The following ITGAD variants were observed in gnomAD, a reference collection of about 807,000 sequenced individuals.
ITGAD encodes the protein integrin alpha-D.
In ITGAD, 105 loss-of-function variants were observed where a neutral mutation model predicts 139.0. The observed-to-expected ratio is 0.76, with a 90% CI of 0.65 to 0.89. The LOEUF (loss-of-function observed/expected upper bound fraction) is 0.89, where lower values mean the gene tolerates loss of function less well. Ranked by LOEUF, ITGAD falls within the 40% of genes least tolerant of loss-of-function variation. ITGAD has a pLI of 0.00. For synonymous variants in ITGAD, 569 were observed against 598.3 expected (o/e 0.95, Z 0.71); for missense variants, 1,384 against 1,487.3 (o/e 0.93, Z 1.14).
intron 5 of ITGAD, among the ~76,000 whole-genome samples, chr16:31,400,520 C>T (rs1040147317): frequency 1.3e-5 from 2 of 152,150 alleles, no homozygotes; most frequent in African/African-American, 4.8e-5. Flanking sequence ...AGCCTGGGGA[C>T]AGCATGAAAA....
At position 31,426,394 on chromosome 16, in the gene ITGAD, TTTA is replaced by T; in HGVS notation, c.*268_*270del. Reference sequence around the variant, plus strand: ...AGAATTGTCACATGAAATGAGGATGTTTATAGCACACTTTCCTTGCGTGGAAGA... The same window carrying T: ...AGAATTGTCACATGAAATGAGGATGTTAGCACACTTTCCTTGCGTGGAAGA... On this transcript the variant is annotated 3_prime_UTR_variant, in exon 30 of 30. Transcript: ENST00000389202. 1 of 373,182 alleles carries T rather than the reference TTTA, an allele frequency of 2.7e-6. No homozygotes were observed. The highest frequency in any genetic ancestry group is 5.0e-6 in the Non-Finnish European group (1 of 201,446). 23.1% of individuals were successfully genotyped at this position (373,182 alleles called of 1,614,324 possible). A position where few individuals can be genotyped will look rare whatever the true frequency, so the allele number is the denominator to read the frequency against.
chr16:31,400,334 G>T (rs927762781), intron 5 of ITGAD, among the ~76,000 whole-genome samples: 2 of 151,906 alleles, frequency 1.3e-5, no homozygotes, highest in Admixed American at 6.5e-5. Flanking sequence ...AAGAGGAAAA[G>T]GCATTTTTTT....
In ITGAD at chr16:31,426,334, C is replaced by G. The variant is rs545210270; in HGVS notation, c.*206C>G. The G allele has an allele frequency of 5.0e-5, 26 of 520,408 alleles. No homozygotes were observed. The highest frequency in any genetic ancestry group is 5.0e-4 in the African/African-American group (26 of 52,090). The allele number at this position is 520,408 out of a possible 1,614,324, so 32.2% of individuals were successfully genotyped here. ...AGCAATGACCCACTTTTTACAGAAG[C>G]AGGCATGGTGCCAGCATAAATTTTC... On this transcript the variant is annotated 3_prime_UTR_variant, in exon 30 of 30. Transcript: ENST00000389202.
At chr16:31,397,958 G>A (rs1857499576) in intron 5 of ITGAD, 49 bp downstream of exon 5, 1 of 1,441,582 alleles carries the variant, frequency 6.9e-7, no homozygotes, top group African/African-American at 1.4e-5. Context: ...TGCTGGCACT[G>A]AGGGTGAGCA....
At chr16:31,412,714 A>G in intron 14 of ITGAD, 124 bp from the exon 15 acceptor site, 1 of 1,189,958 alleles carries the variant, frequency 8.4e-7, no homozygotes, top group Non-Finnish European at 1.2e-6. Flanking sequence ...TGTTGGTGAC[A>G]TCTGTTCACA....
rs750977157 is a variant in ITGAD, at chr16:31,423,357, T to A, written c.2865T>A (p.Asn955Lys). 1 of 1,613,952 alleles carries A rather than the reference T, an allele frequency of 6.2e-7. No homozygotes were observed. The highest frequency in any genetic ancestry group is 2.2e-5 in the East Asian group (1 of 44,872). The change falls in exon 25 of 30, where the codon AAT becomes AAA. Residue 955 changes from asparagine to lysine, a missense_variant. Physicochemically the swap from Asn to Lys is moderately conservative, Grantham distance 94 (BLOSUM62 0). Coordinates refer to ENST00000389202, the MANE Select transcript of ITGAD (RefSeq NM_005353.3). ...MKEAEHRYRVNNLSQRDLAIS... is the reference protein window; with the variant it reads ...MKEAEHRYRVKNLSQRDLAIS... ...TCTGCCTTGATTTCCTGCAGGTGAA[T>A]AACCTCAGCCAGCGAGATCTGGCCA...
chr16:31,407,732 G>C (rs750426048), intron 8 of ITGAD, 34 bp from the exon 9 acceptor site: 15 of 1,613,408 alleles, frequency 9.3e-6, no homozygotes, highest in Middle Eastern at 1.6e-4. Flanking sequence ...CAGTGCTGCT[G>C]GGCTCATCCT....
At chr16:31,393,522 T>G in intron 1 of ITGAD, 131 bp downstream of exon 1, 1 of 941,992 alleles carries the variant, frequency 1.1e-6, no homozygotes, top group Non-Finnish European at 1.7e-6. Flanking sequence ...GAGTGCTTCA[T>G]GTGCGAGTGG....
chr16:31,410,654 G>A, intron 11 of ITGAD, 82 bp from the exon 12 acceptor site: 2 of 1,543,708 alleles, frequency 1.3e-6, no homozygotes, highest in South Asian at 1.2e-5. Context: ...AGGGGAGATG[G>A]GGGCTGCGCT....
At position 31,412,872 on chromosome 16, in the gene ITGAD, A is replaced by C; in HGVS notation, c.1742A>C (p.Gln581Pro). Residue 581 changes from glutamine (Q) to proline (P), a missense_variant, in exon 15 of 30, where the codon CAG becomes CCG. By Grantham distance (76) the Gln-to-Pro change is moderately conservative (BLOSUM62 -1). Coordinates refer to ENST00000389202, the MANE Select transcript of ITGAD (RefSeq NM_005353.3). The part of the protein sequence containing the change: ...IASSQLSPRL[Q>P]YFGQALSGGQ... ...AGCTCCCAGCTCTCCCCCAGGCTGCAGTATTTTGGGCAGGCGCTGAGTGGG... is the reference window on the plus strand; with the variant it reads ...AGCTCCCAGCTCTCCCCCAGGCTGCCGTATTTTGGGCAGGCGCTGAGTGGG... 1 of 1,613,996 alleles carries C rather than the reference A, an allele frequency of 6.2e-7. No homozygotes were observed. The highest frequency in any genetic ancestry group is 8.5e-7 in the Non-Finnish European group (1 of 1,179,984).
chr16:31,410,270 G>T, intron 10 of ITGAD, 125 bp from the exon 11 acceptor site: 1 of 1,331,780 alleles, frequency 7.5e-7, no homozygotes, highest in East Asian at 2.4e-5. Context: ...GAGGCTGCTG[G>T]TGCGGGCCGG....
chr16:31,416,162 G>T, intron 18 of ITGAD, 51 bp from the exon 19 acceptor site: 2 of 1,448,308 alleles, frequency 1.4e-6, no homozygotes, highest in Non-Finnish European at 9.5e-7. Context: ...GGAGGGGCTT[G>T]GAGAAAGACT....
chr16:31,403,408 G>C lies in ITGAD; in HGVS notation c.559-92G>C. The C allele has an allele frequency of 6.8e-7, 1 of 1,465,936 alleles. No homozygotes were observed. Among genetic ancestry groups the C allele is most frequent in the Non-Finnish European group, 9.4e-7 (1 of 1,065,080 alleles). The allele number at this position is 1,465,936 out of a possible 1,614,324, so 90.8% of individuals were successfully genotyped here. The stretch of plus-strand genomic sequence containing the variant: ...GAGGCAGGAGGATCACTTGAGGCCA[G>C]GAGTTTGAGAGACCCTGTCTCTACA... On this transcript the variant is annotated intron_variant, in intron 6 of 29. Coordinates refer to ENST00000389202, the MANE Select transcript of ITGAD (RefSeq NM_005353.3). The surrounding 1 kb of genome is among the most constrained non-coding windows in gnomAD (Gnocchi z 4.4).
intron 7 of ITGAD, among the ~76,000 whole-genome samples, chr16:31,405,640 C>CTTTTT (rs569550173): frequency 1.9e-5 from 2 of 104,016 alleles, no homozygotes; most frequent in African/African-American, 3.8e-5. Flanking sequence ...TTTTGTTTTC[C>CTTTTT]TTTTTTTTTT....
chr16:31,409,260 A>G (rs996459640), intron 10 of ITGAD, among the ~76,000 whole-genome samples: 1 of 152,086 alleles, frequency 6.6e-6, no homozygotes, highest in African/African-American at 2.4e-5. Context: ...GTGCCACTGC[A>G]CTTCAGCCTA....
chr16:31,421,803 C>T (rs181156602), intron 23 of ITGAD, among the ~76,000 whole-genome samples: 45 of 152,138 alleles, frequency 3.0e-4, no homozygotes, highest in Admixed American at 2.3e-3. Flanking sequence ...TGAACCTAGG[C>T]GGTTTGACAC....
chr16:31,412,731 C>G, intron 14 of ITGAD, 107 bp from the exon 15 acceptor site: 1 of 1,397,668 alleles, frequency 7.2e-7, no homozygotes, highest in Non-Finnish European at 1.0e-6. Flanking sequence ...CACAGCTCAC[C>G]CCTTCTCTCC....
In ITGAD at chr16:31,410,421, G is replaced by C. The variant is rs778957834; in HGVS notation, c.1110G>C (p.Gly370=). 6.2e-7 allele frequency: 1 copy of C among 1,613,896 alleles called. No individual in the cohort carries two copies. Among genetic ancestry groups the C allele is most frequent in the African/African-American group, 1.3e-5 (1 of 74,870 alleles). Residue 370 remains glycine (G), a synonymous_variant, in exon 11 of 30, where the codon GGG becomes GGC. Transcript: ENST00000389202. ...TMDGLFLGAV[G]SFSWSGGAFL... ...ATGGCCTCTTCCTGGGGGCTGTGGGGAGCTTTAGCTGGTCTGGAGGTGCCT... is the reference window on the plus strand; with the variant it reads ...ATGGCCTCTTCCTGGGGGCTGTGGGCAGCTTTAGCTGGTCTGGAGGTGCCT...
At position 31,403,719 on chromosome 16, in the gene ITGAD, T is replaced by A. The variant is rs2081467113; in HGVS notation, c.704+74T>A. On this transcript the variant is annotated intron_variant, in intron 7 of 29. Transcript: ENST00000389202. The surrounding 1 kb of genome is among the most constrained non-coding windows in gnomAD (Gnocchi z 4.4). Reference sequence around the variant, plus strand: ...CCTAACCCTGGGTCAGCACAGCTCTTCTCAGAGGCTGAGGGAGGCTCCAGG... The same window carrying A: ...CCTAACCCTGGGTCAGCACAGCTCTACTCAGAGGCTGAGGGAGGCTCCAGG... 2.6e-6 allele frequency: 4 copies of A among 1,568,482 alleles called. No individual in the cohort carries two copies. The South Asian group carries it at 4.5e-5, about 18-fold the overall frequency.
Sources: allele counts gnomAD v4.1 joint callset (sites outside exome capture counted in the v4.1 genomes callset), GRCh38; gene constraint gnomAD v4.1.1; non-coding constraint Gnocchi (gnomAD v3.1); transcripts MANE v1.5; gene names NCBI Gene and HGNC (gene_info 2026-07-23, HGNC 2026-07-21).